The following EPHA6 variants were observed in gnomAD, a reference collection of about 807,000 sequenced individuals.
EPHA6 encodes ephrin type-A receptor 6.
In EPHA6, 50 loss-of-function variants were observed where a neutral mutation model predicts 112.0. That is an observed-to-expected ratio of 0.45 (90% confidence interval 0.36 to 0.56). EPHA6 has a LOEUF of 0.56. Among genes scored for constraint, EPHA6 ranks in the 20% least tolerant of loss-of-function variants. The pLI is 0.00. For synonymous variants in EPHA6, 529 were observed against 490.7 expected (o/e 1.08, Z -1.03); for missense variants, 1,280 against 1,417.4 (o/e 0.90, Z 1.56).
chr3:97,163,638 C>A (rs186500140), intron 3 of EPHA6, among the ~76,000 whole-genome samples: 1 of 152,086 alleles, frequency 6.6e-6, no homozygotes, highest in African/African-American at 2.4e-5. Flanking sequence ...CATAAACTTG[C>A]AAGGCAGCTA....
At chr3:97,570,512 A>T (rs13081149) in intron 11 of EPHA6, among the ~76,000 whole-genome samples, 2 of 152,180 alleles carry the variant, frequency 1.3e-5, no homozygotes, top group African/African-American at 2.4e-5. Flanking sequence ...CAGGTGGATC[A>T]CGAGGTCGGG....
At chr3:97,369,886 C>CA (rs1459177658) in intron 5 of EPHA6, among the ~76,000 whole-genome samples, 2 of 152,118 alleles carry the variant, frequency 1.3e-5, no homozygotes, top group East Asian at 1.9e-4. Context: ...CTACCAGATA[C>CA]AAAAAAATCA....
chr3:96,863,556 A>G (rs984195433), intron 1 of EPHA6, among the ~76,000 whole-genome samples: 11 of 152,034 alleles, frequency 7.2e-5, no homozygotes, highest in Admixed American at 2.0e-4. Context: ...TTAATCAAAT[A>G]AAGCAGTTAG....
At chr3:97,542,827 G>C (rs1005073817) in intron 11 of EPHA6, among the ~76,000 whole-genome samples, 5 of 152,124 alleles carry the variant, frequency 3.3e-5, no homozygotes, top group Non-Finnish European at 7.3e-5. Context: ...GTTTTGATTT[G>C]CATTTCTCTG....
At chr3:97,532,928 T>C (rs2092711876) in intron 11 of EPHA6, among the ~76,000 whole-genome samples, 1 of 152,066 alleles carries the variant, frequency 6.6e-6, no homozygotes, top group African/African-American at 2.4e-5. Context: ...AAATATAAAA[T>C]GCTTTACCTG....
intron 5 of EPHA6, among the ~76,000 whole-genome samples, chr3:97,261,563 TG>T: frequency 6.6e-6 from 1 of 152,204 alleles, no homozygotes; most frequent in East Asian, 1.9e-4. Flanking sequence ...TTTACATTCC[TG>T]GCTCCTATTG....
intron 3 of EPHA6, among the ~76,000 whole-genome samples, chr3:97,217,330 A>G (rs1026608849): frequency 6.6e-6 from 1 of 152,196 alleles, no homozygotes. Flanking sequence ...GATAAAACAG[A>G]TGGTAAAAAG....
intron 4 of EPHA6, among the ~76,000 whole-genome samples, chr3:97,236,149 T>A (rs920977383): frequency 6.6e-6 from 1 of 151,884 alleles, no homozygotes; most frequent in African/African-American, 2.4e-5. Flanking sequence ...TGGGAGCAGT[T>A]TGGAGTACAG....
At chr3:97,339,027 G>A (rs1157286979) in intron 5 of EPHA6, among the ~76,000 whole-genome samples, 1 of 152,140 alleles carries the variant, frequency 6.6e-6, no homozygotes, top group African/African-American at 2.4e-5. Context: ...CCTGTCTTAA[G>A]TCATCTCTGC....
At chr3:97,523,922 A>G (rs574861818) in intron 10 of EPHA6, among the ~76,000 whole-genome samples, 3 of 152,042 alleles carry the variant, frequency 2.0e-5, no homozygotes, top group East Asian at 3.9e-4. Context: ...AATCACTCCC[A>G]TGCTCTATTG....
At chr3:97,142,177 T>C (rs144472254) in intron 3 of EPHA6, among the ~76,000 whole-genome samples, 273 of 152,154 alleles carry the variant, frequency 1.8e-3, no homozygotes, top group African/African-American at 6.0e-3. Context: ...AAAGATTCAT[T>C]TGTTGAATAC....
chr3:97,542,052 A>G (rs1314416454), intron 11 of EPHA6, among the ~76,000 whole-genome samples: 1 of 151,272 alleles, frequency 6.6e-6, no homozygotes, highest in African/African-American at 2.4e-5. Context: ...ACAAAGATGT[A>G]GACTGGGAGG....
Position 96,987,388 on chromosome 3 carries a change from G to A in EPHA6, c.509G>A (p.Cys170Tyr). 6.2e-7 allele frequency: 1 copy of A among 1,613,866 alleles called. No individual in the cohort carries two copies. Among genetic ancestry groups the A allele is most frequent in the Non-Finnish European group, 8.5e-7 (1 of 1,179,818 alleles). The change falls in exon 3 of 18, where the codon TGT (cysteine) becomes TAT (tyrosine). Residue 170 changes from cysteine to tyrosine, a missense_variant. By Grantham distance (194) the Cys-to-Tyr change is radical. Around this residue, in one of 4 missense-constraint regions of EPHA6, gnomAD observed 878 missense variants for 999.7 expected, o/e 0.88. Transcript: ENST00000389672. ...HNRPIHTYQVCNVMEPNQNNW... is the reference protein window; with the variant it reads ...HNRPIHTYQVYNVMEPNQNNW... ...AGGCCCATTCACACATACCAGGTAT[G>A]TAATGTAATGGAACCAAACCAAAAC...
rs538810399 is a variant in EPHA6 at position 97,313,581 on chromosome 3, C to G, written c.1606+69294C>G. Among the ~76,000 whole-genome samples the G allele has an allele frequency of 2.0e-5, 3 of 151,690 alleles. No homozygotes were observed. In the South Asian group the frequency reaches 6.2e-4, roughly 32 times the overall value. On this transcript the variant is annotated intron_variant, in intron 5 of 17. Coordinates refer to ENST00000389672, the MANE Select transcript of EPHA6 (RefSeq NM_001080448.3). ...CTGCTTTTGATACTAACCATTTTAACAGGTGTGAGGTGATATCTCTTTGTG... is the reference window on the plus strand; with the variant it reads ...CTGCTTTTGATACTAACCATTTTAAGAGGTGTGAGGTGATATCTCTTTGTG...
Position 97,754,864 on chromosome 3 carries a change from C to T in EPHA6, c.*6163C>T, listed in dbSNP as rs2035987869. Among the ~76,000 whole-genome samples, 1 of 152,144 alleles carries T rather than the reference C, an allele frequency of 6.6e-6. No individual in the cohort carries two copies. Among genetic ancestry groups the T allele is most frequent in the African/African-American group, 2.4e-5 (1 of 41,434 alleles). On this transcript the variant is annotated 3_prime_UTR_variant, in exon 18 of 18. Transcript: ENST00000389672. ...AACTACAGGCGTCCGTCACCACGCC[C>T]GGCTAATTTTTTGTATTTTTAGTAG...
intron 3 of EPHA6, among the ~76,000 whole-genome samples, chr3:97,009,459 G>A (rs1003296850): frequency 9.2e-5 from 14 of 152,194 alleles, no homozygotes; most frequent in African/African-American, 3.4e-4. Context: ...AGCCTCCCTG[G>A]CTCTGGCAGG....
intron 5 of EPHA6, among the ~76,000 whole-genome samples, chr3:97,392,832 T>C (rs976964666): frequency 4.6e-5 from 7 of 151,778 alleles, no homozygotes; most frequent in African/African-American, 7.2e-5. Flanking sequence ...AGCTCTTTTT[T>C]TTTCTGTACT....
chr3:97,635,718 A>G (rs751513317), intron 13 of EPHA6, among the ~76,000 whole-genome samples: 11 of 152,148 alleles, frequency 7.2e-5, no homozygotes, highest in Non-Finnish European at 1.3e-4. Context: ...AATGTTCTAG[A>G]GTTGATTTTG....
rs144776063 is a variant in EPHA6, at chr3:97,021,111, A to G, written c.1114+33118A>G. On this transcript the variant is annotated intron_variant, in intron 3 of 17. Coordinates refer to ENST00000389672, the MANE Select transcript of EPHA6 (RefSeq NM_001080448.3). ...AGGTAACACTACTTTCTCATAATTC[A>G]TCAGCAAGTTTAAAATGTACTGCAA... 1.9e-3 allele frequency among the ~76,000 whole-genome samples: 291 copies of G among 152,316 alleles called. 1 individual carries two copies. Among genetic ancestry groups the G allele is most frequent in the Middle Eastern group, 0.01 (3 of 294 alleles).
Sources: gnomAD v4.1 joint callset for allele counts (sites outside exome capture counted in the v4.1 genomes callset) on GRCh38, gnomAD v4.1.1 for gene constraint, gnomAD v4.1.1 regional missense constraint, MANE v1.5 for transcripts, NCBI Gene and HGNC (gene_info 2026-07-23, HGNC 2026-07-21) for gene names.